Variants in GPC5 observed in about 807,000 individuals in gnomAD.
GPC5 encodes the protein glypican-5.
A neutral mutation model predicts 53.9 loss-of-function variants in GPC5; 47 were observed. The observed-to-expected ratio is 0.87, with a 90% confidence interval of 0.69 to 1.11. The LOEUF (loss-of-function observed/expected upper bound fraction) is 1.11, where lower values mean the gene tolerates loss of function less well. Ranked by LOEUF, GPC5 falls within the 50% of genes most tolerant of loss-of-function variation. GPC5 has a pLI of 0.00. For missense variants in GPC5, 748 were observed against 713.1 expected, an observed-to-expected ratio of 1.05 and a Z score of -0.56; for synonymous variants, 286 against 263.3, an observed-to-expected ratio of 1.09 and a Z score of -0.84.
Position 92,412,450 on chromosome 13 carries a change from C to T in GPC5, c.1561+267461C>T, listed in dbSNP as rs141296217. Among the ~76,000 whole-genome samples the T allele has an allele frequency of 9.2e-3, 1,399 of 152,254 alleles. 13 individuals carry two copies. The highest frequency in any genetic ancestry group is 0.032 in the African/African-American group (1,321 of 41,558). On this transcript the variant is annotated intron_variant, in intron 7 of 7. Coordinates refer to ENST00000377067, the MANE Select transcript of GPC5 (RefSeq NM_004466.6). The stretch of plus-strand genomic sequence containing the variant: ...AGTAGGAAACTACTATCTGTGTACC[C>T]AGTCAAGCTTGCCACTGGTGTCTAT...
chr13:92,341,353 T>C (rs950958933), intron 7 of GPC5, among the ~76,000 whole-genome samples: 1 of 152,094 alleles, frequency 6.6e-6, no homozygotes, highest in Admixed American at 6.6e-5. Flanking sequence ...TGTTGTATCA[T>C]ATATTGTCAA....
intron 7 of GPC5, among the ~76,000 whole-genome samples, chr13:92,253,287 G>A (rs1025489702): frequency 4.6e-5 from 7 of 152,106 alleles, no homozygotes; most frequent in Non-Finnish European, 1.0e-4. Flanking sequence ...ATATTAATGG[G>A]TGATGAGAAG....
At chr13:91,417,552 A>T (rs1878324264) in intron 1 of GPC5, among the ~76,000 whole-genome samples, 4 of 152,096 alleles carry the variant, frequency 2.6e-5, no homozygotes, top group Admixed American at 2.6e-4. Context: ...TTAACAGCAA[A>T]AGGAGGAGTA....
chr13:92,527,164 GAA>G (rs1445636575), intron 7 of GPC5, among the ~76,000 whole-genome samples: 2 of 109,496 alleles, frequency 1.8e-5, no homozygotes, highest in Non-Finnish European at 1.9e-5. Flanking sequence ...AAGAAAGAAA[GAA>G]AGAAAGAGAA....
chr13:92,720,003 A>T (rs574530687), intron 7 of GPC5: 5 of 152,300 alleles, frequency 3.3e-5, no homozygotes, highest in Admixed American at 1.3e-4. Context: ...AGTGCTTGTT[A>T]TTCTGTTCTT....
At chr13:92,682,085 A>G (rs1194759563) in intron 7 of GPC5, among the ~76,000 whole-genome samples, 1 of 152,172 alleles carries the variant, frequency 6.6e-6, no homozygotes, top group Non-Finnish European at 1.5e-5. Flanking sequence ...GTTTTGAATG[A>G]ATGAGTGAAT....
chr13:91,841,140 G>C (rs1466793618), intron 5 of GPC5, among the ~76,000 whole-genome samples: 1 of 151,808 alleles, frequency 6.6e-6, no homozygotes, highest in African/African-American at 2.4e-5. Context: ...GGGGCCTGGA[G>C]GGAAGAGCTT....
intron 7 of GPC5, among the ~76,000 whole-genome samples, chr13:92,157,938 A>T (rs1313947472): frequency 6.6e-6 from 1 of 152,228 alleles, no homozygotes; most frequent in African/African-American, 2.4e-5. Flanking sequence ...AAATAGGTAT[A>T]TCAGTAAATA....
intron 7 of GPC5, among the ~76,000 whole-genome samples, chr13:92,182,956 A>G (rs1320319129): frequency 1.3e-5 from 2 of 152,148 alleles, no homozygotes; most frequent in Non-Finnish European, 2.9e-5. Context: ...AGAAGAAACT[A>G]TAGTCTCAGT....
At chr13:91,896,597 A>G (rs930537346) in intron 5 of GPC5, among the ~76,000 whole-genome samples, 2 of 152,132 alleles carry the variant, frequency 1.3e-5, no homozygotes, top group Non-Finnish European at 2.9e-5. Context: ...CGGGGGAAGT[A>G]TGAAGGATGA....
At chr13:91,571,819 GTGTA>G (rs1380025880) in intron 2 of GPC5, among the ~76,000 whole-genome samples, 1 of 108,230 alleles carries the variant, frequency 9.2e-6, no homozygotes, top group Non-Finnish European at 1.8e-5. Flanking sequence ...ACATACGTGT[GTGTA>G]TATATACACA....
At chr13:91,822,900 T>C (rs1566285695) in intron 5 of GPC5, among the ~76,000 whole-genome samples, 1 of 152,146 alleles carries the variant, frequency 6.6e-6, no homozygotes. Context: ...GAAAACTTCA[T>C]GTTAGACACA....
At chr13:92,650,387 T>C (rs561933065) in intron 7 of GPC5, among the ~76,000 whole-genome samples, 91 of 152,174 alleles carry the variant, frequency 6.0e-4, no homozygotes, top group Non-Finnish European at 1.2e-3. Context: ...TTTCAGTGAT[T>C]TCCAGAGCAA....
At chr13:92,823,443 T>C (rs1321595685) in intron 7 of GPC5, among the ~76,000 whole-genome samples, 4 of 152,114 alleles carry the variant, frequency 2.6e-5, no homozygotes, top group African/African-American at 9.7e-5. Flanking sequence ...AGAATATGCC[T>C]AGAAATTTAT....
intron 5 of GPC5, among the ~76,000 whole-genome samples, chr13:91,794,195 A>T (rs898741462): frequency 6.6e-6 from 1 of 152,092 alleles, no homozygotes; most frequent in African/African-American, 2.4e-5. Context: ...TCTATTCAAG[A>T]CTTATTTAAT....
chr13:91,568,526 C>T (rs1238079498), intron 2 of GPC5, among the ~76,000 whole-genome samples: 1 of 149,270 alleles, frequency 6.7e-6, no homozygotes. Flanking sequence ...CTGAGTTGTA[C>T]ATCACATTGC....
At chr13:91,533,242 T>C (rs1886433251) in intron 2 of GPC5, among the ~76,000 whole-genome samples, 1 of 152,186 alleles carries the variant, frequency 6.6e-6, no homozygotes, top group Non-Finnish European at 1.5e-5. Context: ...AGGTGAGCTT[T>C]CAAAGACACT....
At chr13:92,322,052 G>C (rs1406531437) in intron 7 of GPC5, among the ~76,000 whole-genome samples, 1 of 151,998 alleles carries the variant, frequency 6.6e-6, no homozygotes, top group Admixed American at 6.6e-5. Context: ...AATCTTAGAA[G>C]TGCAAAGAAA....
intron 7 of GPC5, among the ~76,000 whole-genome samples, chr13:92,438,437 G>T (rs1227437565): frequency 3.3e-5 from 5 of 150,672 alleles, no homozygotes; most frequent in Admixed American, 3.3e-4. Context: ...AAGATGGTCA[G>T]CTTAAGCATG....
Sources: gnomAD v4.1 joint callset for allele counts (sites outside exome capture counted in the v4.1 genomes callset) on GRCh38, gnomAD v4.1.1 for gene constraint, MANE v1.5 for transcripts, NCBI Gene and HGNC (gene_info 2026-07-23, HGNC 2026-07-21) for gene names.